The following TSNAXIP1 variants were observed in gnomAD, a reference collection of about 807,000 sequenced individuals.
TSNAXIP1 encodes the protein translin associated factor X interacting protein 1.
Under a neutral mutation model 84.8 loss-of-function variants are expected in TSNAXIP1, and 89 were observed. The observed-to-expected ratio is 1.05, with a 90% CI of 0.88 to 1.25. TSNAXIP1 has a LOEUF of 1.25. TSNAXIP1 is among the 50% of genes most tolerant of loss of function. The pLI is 0.00. For synonymous variants in TSNAXIP1, 347 were observed against 335.2 expected, an observed-to-expected ratio of 1.04 and a Z score of -0.39; for missense variants, 874 against 887.6, an observed-to-expected ratio of 0.98 and a Z score of 0.20.
intron 7 of TSNAXIP1, 61 bp from the exon 8 acceptor site, chr16:67,825,606 C>A: frequency 6.4e-7 from 1 of 1,556,682 alleles, no homozygotes; most frequent in Non-Finnish European, 8.7e-7. Flanking sequence ...GGGCAGAGGG[C>A]TTCAGGCAAC....
chr16:67,814,843 C>T (rs2056409272), intron 2 of TSNAXIP1, among the ~76,000 whole-genome samples: 1 of 152,124 alleles, frequency 6.6e-6, no homozygotes, highest in African/African-American at 2.4e-5. Flanking sequence ...AACAGGCTAC[C>T]TGAATGTCTG....
intron 1 of TSNAXIP1, chr16:67,807,688 G>A: frequency 7.9e-6 from 2 of 252,420 alleles, no homozygotes; most frequent in Non-Finnish European, 1.6e-5. Flanking sequence ...TCACCACGTT[G>A]CCCAGGCTGG....
intron 2 of TSNAXIP1, among the ~76,000 whole-genome samples, chr16:67,819,385 A>C (rs1167034297): frequency 6.6e-6 from 1 of 151,360 alleles, no homozygotes; most frequent in African/African-American, 2.4e-5. Flanking sequence ...CTGGGAATAC[A>C]GGCGTGTGCC....
At chr16:67,811,071 C>T (rs1055632731) in intron 1 of TSNAXIP1, among the ~76,000 whole-genome samples, 6 of 152,054 alleles carry the variant, frequency 3.9e-5, no homozygotes, top group Non-Finnish European at 7.4e-5. Flanking sequence ...ATCCTCCCGC[C>T]TCTTAGCCTC....
In TSNAXIP1 at chr16:67,826,136, C is replaced by T. The variant is rs758396548; in HGVS notation, c.1145-16C>T. ...ACATGTGGGCCCAGACTCCAGCTCC[C>T]TCTCCCCACATGCAGATGTGGTGGC... is the stretch of plus-strand genomic sequence containing the variant. On this transcript the variant is annotated splice_polypyrimidine_tract_variant and intron_variant, in intron 9 of 15. Coordinates refer to ENST00000561639, the MANE Select transcript of TSNAXIP1 (RefSeq NM_001288990.3). 2.5e-6 allele frequency: 4 copies of T among 1,613,228 alleles called. No individual in the cohort carries two copies. Among genetic ancestry groups the T allele is most frequent in the Non-Finnish European group, 2.5e-6 (3 of 1,179,536 alleles).
At chr16:67,823,511 C>A (rs992774089) in intron 4 of TSNAXIP1, 115 bp from the exon 5 acceptor site, 7 of 754,158 alleles carry the variant, frequency 9.3e-6, no homozygotes, top group Non-Finnish European at 1.5e-5. Flanking sequence ...CCACAGCACT[C>A]CAGCCTGGGT....
At position 67,826,255 on chromosome 16, in the gene TSNAXIP1, G is replaced by A; in HGVS notation, c.1248G>A (p.Leu416=). The change falls in exon 10 of 16, where the codon CTG becomes CTA. Residue 416 remains leucine, a synonymous_variant. Coordinates refer to ENST00000561639, the MANE Select transcript of TSNAXIP1 (RefSeq NM_001288990.3). The part of the protein sequence containing the change: ...VLLEEIGSGL[L]REKDFFPGLG... ...TGGAAGAGATTGGTTCGGGGCTGCT[G>A]CGGGAGAAAGACTTCTTCCCTGGTC... The A allele has an allele frequency of 1.3e-6, 2 of 1,583,234 alleles. No homozygotes were observed. The highest frequency in any genetic ancestry group is 1.7e-6 in the Non-Finnish European group (2 of 1,163,120).
rs1339402381 is a variant in TSNAXIP1, at chr16:67,807,120, G to T, written c.-30G>T. ...ACGCTACCACAGCTTCCCAGGCCGC[G>T]GGTGCTGATTGCCCGCCTGCCCGTG... On this transcript the variant is annotated 5_prime_UTR_variant, in exon 1 of 16. Transcript: ENST00000561639. 6.5e-7 allele frequency: 1 copy of T among 1,533,506 alleles called. No individual in the cohort carries two copies. The highest frequency in any genetic ancestry group is 8.7e-7 in the Non-Finnish European group (1 of 1,146,094). The allele number at this position is 1,533,506 out of a possible 1,614,324, so 95.0% of individuals were successfully genotyped here.
At chr16:67,823,249 A>G (rs2057197157) in intron 4 of TSNAXIP1, among the ~76,000 whole-genome samples, 2 of 152,188 alleles carry the variant, frequency 1.3e-5, no homozygotes, top group African/African-American at 4.8e-5. Flanking sequence ...TAAGCCCAGT[A>G]AAGAAAAAAA....
Position 67,825,167 on chromosome 16 carries a change from G to A in TSNAXIP1, c.709G>A (p.Glu237Lys). Residue 237 changes from glutamate (E) to lysine (K), a missense_variant, in exon 7 of 16, where the codon GAG becomes AAG. Glu to Lys is a moderately conservative substitution (Grantham distance 56). Transcript: ENST00000561639. ...VTKLRKNLAE[E>K]YLHYLSERDA... ...CAAACTGAGGAAGAACTTGGCTGAG[G>A]AGTACCTGCACTACCTCAGTGAGCG... 2 of 1,614,108 alleles carry A rather than the reference G, an allele frequency of 1.2e-6. No individual in the cohort carries two copies. The highest frequency in any genetic ancestry group is 1.7e-6 in the Non-Finnish European group (2 of 1,180,026).
rs777021288 is a variant in TSNAXIP1 at position 67,825,675 on chromosome 16, G to T, written c.823G>T (p.Gly275Trp). 6.8e-6 allele frequency: 11 copies of T among 1,611,984 alleles called. No homozygotes were observed. Among genetic ancestry groups the T allele is most frequent in the East Asian group, 2.2e-5 (1 of 44,842 alleles). The change falls in exon 8 of 16, where the codon GGG becomes TGG. Residue 275 changes from glycine (G) to tryptophan (W), a missense_variant. By Grantham distance (184) the Gly-to-Trp change is radical. Transcript: ENST00000561639. Reference protein sequence around the residue: ...MSLAQSPGIWGEDPVKLTLAL... With the variant: ...MSLAQSPGIWWEDPVKLTLAL... ...GCCCCTTCCCCTGGCAGGCATCTGG[G>T]GGGAGGACCCTGTGAAGTTAACCCT...
chr16:67,807,223 A>G (rs1157048434), intron 1 of TSNAXIP1, 27 bp downstream of exon 1: 6 of 1,535,950 alleles, frequency 3.9e-6, no homozygotes, highest in Non-Finnish European at 5.2e-6. Flanking sequence ...ATGAGGGCAG[A>G]GATGAGGGTT....
chr16:67,825,373 T>C (rs1266962965), intron 7 of TSNAXIP1, 101 bp downstream of exon 7: 15 of 1,503,172 alleles, frequency 1.0e-5, no homozygotes, highest in Non-Finnish European at 1.3e-5. Context: ...TAAGACCTGC[T>C]CATTCCATAA....
chr16:67,816,726 G>A (rs1200229794), intron 2 of TSNAXIP1, among the ~76,000 whole-genome samples: 4 of 152,026 alleles, frequency 2.6e-5, no homozygotes, highest in Admixed American at 2.6e-4. Context: ...CGTCCCTCCG[G>A]GGCCGCCTTC....
chr16:67,824,901 C>T, intron 6 of TSNAXIP1, 122 bp downstream of exon 6: 1 of 1,193,808 alleles, frequency 8.4e-7, no homozygotes, highest in Non-Finnish European at 1.2e-6. Context: ...ACCACCTTCC[C>T]CCAGAGCCTT....
At chr16:67,814,250 C>G in intron 1 of TSNAXIP1, 52 bp from the exon 2 acceptor site, 1 of 1,398,518 alleles carries the variant, frequency 7.2e-7, no homozygotes, top group Non-Finnish European at 9.8e-7. Context: ...TGGGAGTTCT[C>G]TTCCCACTCT....
At chr16:67,809,851 A>G (rs2055882195) in intron 1 of TSNAXIP1, among the ~76,000 whole-genome samples, 1 of 151,778 alleles carries the variant, frequency 6.6e-6, no homozygotes, top group South Asian at 2.1e-4. Context: ...CAGGAGGCTG[A>G]AGCAGGAGAA....
intron 2 of TSNAXIP1, among the ~76,000 whole-genome samples, chr16:67,816,819 G>C (rs1021909084): frequency 1.3e-5 from 2 of 152,010 alleles, no homozygotes; most frequent in African/African-American, 2.4e-5. Flanking sequence ...AGATCCCTCA[G>C]CTGTTAATAA....
chr16:67,826,190 G>C lies in TSNAXIP1; in HGVS notation c.1183G>C (p.Ala395Pro). The C allele has an allele frequency of 6.2e-7, 1 of 1,612,296 alleles. No individual in the cohort carries two copies. Among genetic ancestry groups the C allele is most frequent in the Non-Finnish European group, 8.5e-7 (1 of 1,178,750 alleles). The change falls in exon 10 of 16, where the codon GCT becomes CCT. Residue 395 changes from alanine (A) to proline (P), a missense_variant. Ala to Pro is a conservative substitution (Grantham distance 27, BLOSUM62 -1). Transcript: ENST00000561639. Reference protein sequence around the residue: ...AGGPERWQMLAEGKNSDQLVD... With the variant: ...AGGPERWQMLPEGKNSDQLVD... ...GGGCCCAGAGCGCTGGCAGATGCTG[G>C]CTGAGGGCAAGAACAGCGACCAGCT...
Sources: gnomAD v4.1 joint callset for allele counts (sites outside exome capture counted in the v4.1 genomes callset) on GRCh38, gnomAD v4.1.1 for gene constraint, MANE v1.5 for transcripts, NCBI Gene and HGNC (gene_info 2026-07-23, HGNC 2026-07-21) for gene names.